Variants in PCDHA13 observed in about 807,000 individuals in gnomAD.
PCDHA13 encodes the protein protocadherin alpha 13.
A neutral mutation model predicts 64.8 loss-of-function variants in PCDHA13; 54 were observed. The ratio of observed to expected loss-of-function variants is 0.83; its 90% confidence interval spans 0.67 to 1.04. PCDHA13 has a LOEUF of 1.04. Among genes scored for constraint, PCDHA13 ranks in the 50% least tolerant of loss-of-function variants. The pLI, the probability that PCDHA13 is intolerant of heterozygous loss-of-function variation, is 0.00. For missense variants in PCDHA13, 1,248 were observed against 1,254.3 expected (o/e 0.99, Z 0.08); for synonymous variants, 587 against 564.4 (o/e 1.04, Z -0.57).
chr5:140,979,157 A>G (rs2096837413), intron 2 of PCDHA13, 150 bp downstream of exon 2: 9 of 1,429,186 alleles, frequency 6.3e-6, no homozygotes, highest in Non-Finnish European at 8.3e-6. Context: ...CCCCATGTTT[A>G]TTCCTTGAAA....
In PCDHA13 at chr5:140,969,369, C is replaced by A. The variant is rs782020561; in HGVS notation, c.2395-9580C>A. The A allele has an allele frequency of 1.3e-5, 21 of 1,607,718 alleles. 2 individuals carry two copies. In the South Asian group the frequency reaches 2.3e-4, roughly 18 times the overall value. ...TCAGGGGGTCTTCTACAAACTCATG[C>A]ATTTGTTACACATCCCCCAATATCC... is the stretch of plus-strand genomic sequence containing the variant. On this transcript the variant is annotated intron_variant, in intron 1 of 3. Transcript: ENST00000289272.
intron 1 of PCDHA13, chr5:140,966,932 G>A: frequency 6.2e-7 from 1 of 1,603,726 alleles, no homozygotes; most frequent in Non-Finnish European, 8.5e-7. Flanking sequence ...GGCACCCGGC[G>A]CGCTCGTGGG....
chr5:140,927,731 T>G lies in PCDHA13; in HGVS notation c.2394+43069T>G, dbSNP rs781789205. 19 of 1,614,078 alleles carry G rather than the reference T, an allele frequency of 1.2e-5. No individual in the cohort carries two copies. The highest frequency in any genetic ancestry group is 1.4e-5 in the Non-Finnish European group (17 of 1,180,038). ...CTAAGCAACAGCACGCAAGCAGAGC[T>G]GCGACACCGCTTTCACGTGCACCCT... On this transcript the variant is annotated intron_variant, in intron 1 of 3. Transcript: ENST00000289272.
intron 1 of PCDHA13, among the ~76,000 whole-genome samples, chr5:140,925,671 A>AATAATAATAATG (rs1445697337): frequency 4.7e-4 from 69 of 148,180 alleles, no homozygotes; most frequent in African/African-American, 1.7e-3. Flanking sequence ...TAATAATAAT[A>AATAATAATAATG]ATAATAAAGC....
intron 3 of PCDHA13, among the ~76,000 whole-genome samples, chr5:140,993,203 A>AT (rs200893072): frequency 0.015 from 2,264 of 152,198 alleles, 62 homozygotes; most frequent in African/African-American, 0.051. Flanking sequence ...ACTAAAGCTA[A>AT]TTTTTTTAGC....
chr5:140,925,027 C>A (rs1238112043), intron 1 of PCDHA13, among the ~76,000 whole-genome samples: 1 of 151,680 alleles, frequency 6.6e-6, no homozygotes, highest in Non-Finnish European at 1.5e-5. Flanking sequence ...GGGAGGATCG[C>A]TTGAGCCCAG....
At chr5:140,960,511 C>T (rs2153725482) in intron 1 of PCDHA13, among the ~76,000 whole-genome samples, 1 of 152,156 alleles carries the variant, frequency 6.6e-6, no homozygotes, top group East Asian at 1.9e-4. Context: ...AAGCAGCAAA[C>T]ATAATGGGTA....
intron 1 of PCDHA13, among the ~76,000 whole-genome samples, chr5:140,902,684 A>G (rs1173996816): frequency 6.6e-6 from 1 of 152,100 alleles, no homozygotes; most frequent in Non-Finnish European, 1.5e-5. Flanking sequence ...ACCGTACCTA[A>G]TATGTGTAGT....
chr5:140,916,053 G>T (rs1378949362), intron 1 of PCDHA13, among the ~76,000 whole-genome samples: 1 of 152,104 alleles, frequency 6.6e-6, no homozygotes, highest in African/African-American at 2.4e-5. Flanking sequence ...AGGCAGAGGT[G>T]CCTCTCCCTG....
intron 1 of PCDHA13, among the ~76,000 whole-genome samples, chr5:140,909,417 G>A (rs1016868783): frequency 2.0e-5 from 3 of 152,156 alleles, no homozygotes; most frequent in Non-Finnish European, 1.5e-5. Flanking sequence ...TTACCATTTG[G>A]TTAAACTTAT....
intron 1 of PCDHA13, among the ~76,000 whole-genome samples, chr5:140,977,927 T>G (rs1214119079): frequency 6.6e-6 from 1 of 152,180 alleles, no homozygotes; most frequent in Non-Finnish European, 1.5e-5. Context: ...TTCATTCAAC[T>G]ATACCTCAAT....
At chr5:140,967,547 A>G (rs1554229662) in intron 1 of PCDHA13, 1 of 1,613,890 alleles carries the variant, frequency 6.2e-7, no homozygotes, top group Non-Finnish European at 8.5e-7. Context: ...TGACCAGTCC[A>G]CTTATCGCGT....
In PCDHA13 at chr5:140,884,489, T is replaced by G; in HGVS notation, c.2221T>G (p.Cys741Gly). 1 of 1,613,936 alleles carries G rather than the reference T, an allele frequency of 6.2e-7. No individual in the cohort carries two copies. Among genetic ancestry groups the G allele is most frequent in the East Asian group, 2.2e-5 (1 of 44,850 alleles). Residue 741 changes from cysteine (C) to glycine (G), a missense_variant, in exon 1 of 4, where the codon TGC (cysteine) becomes GGC (glycine). Cys to Gly is a radical substitution (Grantham distance 159). Coordinates refer to ENST00000289272, the MANE Select transcript of PCDHA13 (RefSeq NM_018904.3). ...ACAPGKPTLV[C>G]SSAAGSWSYS... ...CGCGCCGGGCAAGCCCACTCTAGTGTGCTCCAGCGCGGCAGGGAGTTGGTC... is the reference window on the plus strand; with the variant it reads ...CGCGCCGGGCAAGCCCACTCTAGTGGGCTCCAGCGCGGCAGGGAGTTGGTC...
At chr5:141,007,522 C>T (rs1475001472) in intron 3 of PCDHA13, among the ~76,000 whole-genome samples, 1 of 151,940 alleles carries the variant, frequency 6.6e-6, no homozygotes, top group Non-Finnish European at 1.5e-5. Context: ...GAGCTGATAT[C>T]TCGCCACTGC....
chr5:140,929,311 A>G lies in PCDHA13; in HGVS notation c.2394+44649A>G, dbSNP rs782099747. The stretch of plus-strand genomic sequence containing the variant: ...TCGGAATAGGAAAGGGGATCACGCT[A>G]ATGTCAATGCCATGGTAAGCAAATT... On this transcript the variant is annotated intron_variant, in intron 1 of 3. Coordinates refer to ENST00000289272, the MANE Select transcript of PCDHA13 (RefSeq NM_018904.3). The G allele has an allele frequency of 1.9e-6, 3 of 1,567,640 alleles. No individual in the cohort carries two copies. The South Asian group carries it at 3.5e-5, about 18-fold the overall frequency.
intron 3 of PCDHA13, among the ~76,000 whole-genome samples, chr5:140,985,179 C>T (rs1056430017): frequency 5.9e-5 from 9 of 152,132 alleles, no homozygotes; most frequent in African/African-American, 1.9e-4. Flanking sequence ...CCTCGTAATC[C>T]GCCTGCCTCG....
chr5:140,898,153 G>C (rs1379342887), intron 1 of PCDHA13, among the ~76,000 whole-genome samples: 3 of 152,182 alleles, frequency 2.0e-5, no homozygotes, highest in South Asian at 2.1e-4. Context: ...TGTTCACGCT[G>C]ATGGTGGTTT....
At chr5:140,985,216 C>T (rs1009954667) in intron 3 of PCDHA13, among the ~76,000 whole-genome samples, 1 of 152,186 alleles carries the variant, frequency 6.6e-6, no homozygotes, top group South Asian at 2.1e-4. Context: ...GGATTACAGG[C>T]GTGAGCCACC....
At chr5:140,958,746 G>C (rs946339571) in intron 1 of PCDHA13, among the ~76,000 whole-genome samples, 1 of 152,066 alleles carries the variant, frequency 6.6e-6, no homozygotes, top group African/African-American at 2.4e-5. Flanking sequence ...AGAGAGAAAG[G>C]AGATTTTTAC....
Sources: allele counts gnomAD v4.1 joint callset (sites outside exome capture counted in the v4.1 genomes callset), GRCh38; gene constraint gnomAD v4.1.1; transcripts MANE v1.5; gene names NCBI Gene and HGNC (gene_info 2026-07-23, HGNC 2026-07-21).